GALNT18: variants seen among roughly 807,000 people sequenced by gnomAD.
The protein encoded by GALNT18 is polypeptide N-acetylgalactosaminyltransferase 18, also known as GalNAc-transferase 18.
GALNT18 carries 44 observed loss-of-function variants against 69.5 expected under a neutral mutation model. The ratio of observed to expected loss-of-function variants is 0.63; its 90% CI spans 0.50 to 0.81. The LOEUF is 0.81. Among genes scored for constraint, GALNT18 ranks in the 40% least tolerant of loss-of-function variants. The probability of loss-of-function intolerance (pLI) is 0.00; values close to 1 mark genes in which losing one functional copy is unlikely to be tolerated. For missense variants in GALNT18, 715 were observed against 810.0 expected (o/e 0.88, Z 1.42); for synonymous variants, 364 against 318.2 (o/e 1.14, Z -1.53).
chr11:11,372,834 A>C lies in GALNT18; in HGVS notation c.978-205T>G, dbSNP rs1850944640. On this transcript the variant is annotated intron_variant, in intron 5 of 10. Transcript: ENST00000227756. This position sits in a 1 kb window ranked among gnomAD's most constrained non-coding sequence, Gnocchi z 4.9. ...TGTTTCATCCGGGCAGTGGGTAGACAGCTGCCATCCTGGGATCAGCTATTA... is the reference window on the plus strand; with the variant it reads ...TGTTTCATCCGGGCAGTGGGTAGACCGCTGCCATCCTGGGATCAGCTATTA... Among the ~76,000 whole-genome samples the C allele has an allele frequency of 6.6e-6, 1 of 152,192 alleles. No homozygotes were observed. Among genetic ancestry groups the C allele is most frequent in the Non-Finnish European group, 1.5e-5 (1 of 68,028 alleles).
rs982463285 is a variant in GALNT18, at chr11:11,605,025, G to A, written c.235+16334C>T. Among the ~76,000 whole-genome samples the A allele has an allele frequency of 1.3e-5, 2 of 152,050 alleles. No homozygotes were observed. The highest frequency in any genetic ancestry group is 2.9e-5 in the Non-Finnish European group (2 of 68,020). ...CTATGTCTACTATGCCCTCTTCCAC[G>A]CTACTGCCTAAATGACTCTTCTCAA... On this transcript the variant is annotated intron_variant, in intron 1 of 10. Coordinates refer to ENST00000227756, the MANE Select transcript of GALNT18 (RefSeq NM_198516.3). This position sits in a 1 kb window ranked among gnomAD's most constrained non-coding sequence, Gnocchi z 4.7.
At chr11:11,303,078 C>T (rs1292612870) in intron 9 of GALNT18, among the ~76,000 whole-genome samples, 1 of 152,180 alleles carries the variant, frequency 6.6e-6, no homozygotes, top group Non-Finnish European at 1.5e-5. Flanking sequence ...CTCACCCATG[C>T]ATCTGGGCAC....
At chr11:11,477,663 A>G (rs1328097822) in intron 1 of GALNT18, among the ~76,000 whole-genome samples, 1 of 152,234 alleles carries the variant, frequency 6.6e-6, no homozygotes, top group East Asian at 1.9e-4. Context: ...TTGCTGATTA[A>G]ATAGCACTGG....
chr11:11,299,268 C>A (rs912377284), intron 9 of GALNT18, among the ~76,000 whole-genome samples: 1 of 152,180 alleles, frequency 6.6e-6, no homozygotes, highest in Admixed American at 6.5e-5. Flanking sequence ...ACTCAGCCTC[C>A]CAAGTGGCTG....
At chr11:11,319,513 A>G (rs902232520) in intron 9 of GALNT18, among the ~76,000 whole-genome samples, 2 of 152,208 alleles carry the variant, frequency 1.3e-5, no homozygotes, top group African/African-American at 4.8e-5. Context: ...GGAGAATGTC[A>G]TGTGAAGGGT....
At chr11:11,577,908 G>T (rs528784370) in intron 1 of GALNT18, among the ~76,000 whole-genome samples, 2 of 152,306 alleles carry the variant, frequency 1.3e-5, no homozygotes, top group African/African-American at 4.8e-5. Flanking sequence ...ATACAGATTG[G>T]CAGGGGCATT....
rs1023331148 is a variant in GALNT18 at position 11,552,984 on chromosome 11, G to C, written c.235+68375C>G. Among the ~76,000 whole-genome samples, 9 of 152,120 alleles carry C rather than the reference G, an allele frequency of 5.9e-5. No homozygotes were observed. In the East Asian group the frequency reaches 1.7e-3, roughly 29 times the overall value. On this transcript the variant is annotated intron_variant, in intron 1 of 10. Coordinates refer to ENST00000227756, the MANE Select transcript of GALNT18 (RefSeq NM_198516.3). ...TCCCATGCAAGGGTCTCAGCCCTGG[G>C]CTTTGCTTACTTGGGTGAGTTTAAT...
Position 11,339,683 on chromosome 11 carries a change from G to C in GALNT18, c.1278+1136C>G, listed in dbSNP as rs1850169992. On this transcript the variant is annotated intron_variant, in intron 7 of 10. Coordinates refer to ENST00000227756, the MANE Select transcript of GALNT18 (RefSeq NM_198516.3). This position sits in a 1 kb window ranked among gnomAD's most constrained non-coding sequence, Gnocchi z 5.2. ...GTACATTAGAGTTGGCTGCACTCTG[G>C]CTGATATTTCTCCGCTCCTCATTCT... is the stretch of plus-strand genomic sequence containing the variant. 6.6e-6 allele frequency among the ~76,000 whole-genome samples: 1 copy of C among 152,144 alleles called. No homozygotes were observed. The highest frequency in any genetic ancestry group is 2.1e-4 in the South Asian group (1 of 4,822).
intron 1 of GALNT18, among the ~76,000 whole-genome samples, chr11:11,499,600 A>G (rs1856932691): frequency 6.6e-6 from 1 of 152,028 alleles, no homozygotes; most frequent in Non-Finnish European, 1.5e-5. Flanking sequence ...CGTCCCCTCT[A>G]TCTGCCCACC....
In GALNT18 at chr11:11,619,955, GA is replaced by G. The variant is rs1860146948; in HGVS notation, c.235+1403del. Among the ~76,000 whole-genome samples the G allele has an allele frequency of 6.6e-6, 1 of 152,132 alleles. No homozygotes were observed. The highest frequency in any genetic ancestry group is 2.4e-5 in the African/African-American group (1 of 41,424). The stretch of plus-strand genomic sequence containing the variant: ...TTAGTCAGGAAGCACTATGGATGTG[GA>G]TGCCTCTCCTGCACTCACCTGAACC... On this transcript the variant is annotated intron_variant, in intron 1 of 10. Transcript: ENST00000227756. This position sits in a 1 kb window ranked among gnomAD's most constrained non-coding sequence, Gnocchi z 4.9.
chr11:11,295,246 A>C (rs1168904243), intron 9 of GALNT18, among the ~76,000 whole-genome samples: 2 of 152,110 alleles, frequency 1.3e-5, no homozygotes, highest in African/African-American at 4.8e-5. Flanking sequence ...TGTATCAGTC[A>C]ATGCTTCAAC....
In GALNT18 at chr11:11,435,372, C is replaced by G. The variant is rs1226754031; in HGVS notation, c.429-2585G>C. Among the ~76,000 whole-genome samples the G allele has an allele frequency of 6.6e-6, 1 of 152,150 alleles. No individual in the cohort carries two copies. The highest frequency in any genetic ancestry group is 2.4e-5 in the African/African-American group (1 of 41,454). On this transcript the variant is annotated intron_variant, in intron 2 of 10. Coordinates refer to ENST00000227756, the MANE Select transcript of GALNT18 (RefSeq NM_198516.3). This position sits in a 1 kb window ranked among gnomAD's most constrained non-coding sequence, Gnocchi z 4.4. ...GAGCTGCCAGTCTCTGGAAGCTGGT[C>G]TCCGGATGGTCTTTCTCCACGCAGA... is the stretch of plus-strand genomic sequence containing the variant.
intron 9 of GALNT18, 131 bp downstream of exon 9, chr11:11,326,955 A>C (rs1849932133): frequency 1.5e-6 from 1 of 660,588 alleles, no homozygotes; most frequent in Non-Finnish European, 2.7e-6. Context: ...GAAAAGCCCC[A>C]GAGGCCCCTG....
intron 6 of GALNT18, among the ~76,000 whole-genome samples, chr11:11,349,344 C>T (rs1368233412): frequency 3.9e-5 from 6 of 152,212 alleles, no homozygotes; most frequent in Non-Finnish European, 8.8e-5. Flanking sequence ...GTTATATACA[C>T]ATGTTCAACT....
At chr11:11,522,642 T>G (rs1366572693) in intron 1 of GALNT18, among the ~76,000 whole-genome samples, 1 of 152,208 alleles carries the variant, frequency 6.6e-6, no homozygotes, top group East Asian at 1.9e-4. Flanking sequence ...GCTAGAATCC[T>G]GACACAAGCT....
Position 11,383,150 on chromosome 11 carries a change from C to A in GALNT18, c.596-3886G>T, listed in dbSNP as rs1853962510. Among the ~76,000 whole-genome samples, 1 of 152,286 alleles carries A rather than the reference C, an allele frequency of 6.6e-6. No homozygotes were observed. Among genetic ancestry groups the A allele is most frequent in the African/African-American group, 2.4e-5 (1 of 41,568 alleles). On this transcript the variant is annotated intron_variant, in intron 3 of 10. Coordinates refer to ENST00000227756, the MANE Select transcript of GALNT18 (RefSeq NM_198516.3). This position sits in a 1 kb window ranked among gnomAD's most constrained non-coding sequence, Gnocchi z 5.2. ...GGAGGTCACAGGCCACTCTCCACAT[C>A]CCCACGGGGAGCCTCCTCTCCGGGC...
chr11:11,495,367 C>G (rs565250450), intron 1 of GALNT18, among the ~76,000 whole-genome samples: 1 of 152,224 alleles, frequency 6.6e-6, no homozygotes, highest in South Asian at 2.1e-4. Flanking sequence ...GGGTTGGGTA[C>G]GCAAACTTCC....
At chr11:11,554,748 TTCCC>T (rs765245687) in intron 1 of GALNT18, among the ~76,000 whole-genome samples, 110 of 152,238 alleles carry the variant, frequency 7.2e-4, no homozygotes, top group Admixed American at 2.2e-3. Context: ...GTGTGGCTGA[TTCCC>T]TCACATGGCT....
At chr11:11,589,623 C>A (rs1859305722) in intron 1 of GALNT18, among the ~76,000 whole-genome samples, 1 of 151,790 alleles carries the variant, frequency 6.6e-6, no homozygotes, top group African/African-American at 2.4e-5. Flanking sequence ...CTGATTTGTA[C>A]AACAAGACTC....
Sources: allele counts gnomAD v4.1 joint callset (sites outside exome capture counted in the v4.1 genomes callset), GRCh38; gene constraint gnomAD v4.1.1; non-coding constraint Gnocchi (gnomAD v3.1); transcripts MANE v1.5; gene names NCBI Gene and HGNC (gene_info 2026-07-23, HGNC 2026-07-21).